Variants in TBX3 observed in about 807,000 individuals in gnomAD.
TBX3 encodes T-box transcription factor TBX3.
In TBX3, 11 loss-of-function variants were observed where a neutral mutation model predicts 47.8. The ratio of observed to expected loss-of-function variants is 0.23; its 90% CI spans 0.14 to 0.38. The LOEUF is 0.38. Ranked by LOEUF, TBX3 falls within the 10% of genes least tolerant of loss-of-function variation. TBX3 has a pLI of 1.00. For synonymous variants in TBX3, 500 were observed against 449.3 expected (o/e 1.11, Z -1.43); for missense variants, 927 against 1,022.8 (o/e 0.91, Z 1.28).
At chr12:114,678,700 C>T (rs1868810045) in intron 3 of TBX3, among the ~76,000 whole-genome samples, 1 of 152,164 alleles carries the variant, frequency 6.6e-6, no homozygotes, top group Non-Finnish European at 1.5e-5. Flanking sequence ...GGTCTTCAGT[C>T]CCTCCTCCCA....
Position 114,676,338 on chromosome 12 carries a change from G to A in TBX3, c.1014C>T (p.Ser338=), listed in dbSNP as rs1213358591. The change falls in exon 5 of 7, where the codon TCC becomes TCT. Residue 338 remains serine (S), a synonymous_variant. Coordinates refer to ENST00000349155, the MANE Select transcript of TBX3 (RefSeq NM_005996.4). ...CFAQASSPAA[S]TVGTSNLKDL... ...CTTTGAGGTTCGATGTCCCTACAGT[G>A]GAGGCGGCTGGAGAAGAAGCCTGGG... 6.2e-7 allele frequency: 1 copy of A among 1,613,982 alleles called. No individual in the cohort carries two copies. The highest frequency in any genetic ancestry group is 1.3e-5 in the African/African-American group (1 of 74,924).
In TBX3 at chr12:114,682,841, G is replaced by T; in HGVS notation, c.360C>A (p.Gly120=). ...CCGACTTGGTAATGACCATCTCGGTGCCCCGCTTGTGAAACTGATCCCAAA... is the reference window on the plus strand; with the variant it reads ...CCGACTTGGTAATGACCATCTCGGTTCCCCGCTTGTGAAACTGATCCCAAA... ...KELWDQFHKR[G]TEMVITKSGR... Residue 120 remains glycine, a synonymous_variant, in exon 1 of 7, where the codon GGC becomes GGA. Coordinates refer to ENST00000349155, the MANE Select transcript of TBX3 (RefSeq NM_005996.4). 6.2e-7 allele frequency: 1 copy of T among 1,614,206 alleles called. No individual in the cohort carries two copies. The highest frequency in any genetic ancestry group is 8.5e-7 in the Non-Finnish European group (1 of 1,180,038).
rs1301548236 is a variant in TBX3 at position 114,674,289 on chromosome 12, G to A, written c.1586C>T (p.Ala529Val). The A allele has an allele frequency of 1.3e-6, 2 of 1,580,914 alleles. No homozygotes were observed. Among genetic ancestry groups the A allele is most frequent in the Non-Finnish European group, 1.7e-6 (2 of 1,163,760 alleles). ...ATCCAGGCCCGAGACACCGGTGGAG[G>A]CCCCAGAAACCGTGGCCAGGAGGGG... is the stretch of plus-strand genomic sequence containing the variant. ...MGPLLATVSGASTGVSGLDST... is the reference protein window; with the variant it reads ...MGPLLATVSGVSTGVSGLDST... Residue 529 changes from alanine to valine, a missense_variant, in exon 6 of 7, where the codon GCC becomes GTC. Transcript: ENST00000349155.
Position 114,674,467 on chromosome 12 carries a change from C to T in TBX3, c.1408G>A (p.Ala470Thr), listed in dbSNP as rs544562535. Residue 470 changes from alanine to threonine, a missense_variant, in exon 6 of 7, where the codon GCC (alanine) becomes ACC (threonine). Physicochemically the swap from Ala to Thr is moderately conservative, Grantham distance 58. This residue lies in a region of TBX3 where 623 missense variants were observed against 569.0 expected (regional missense o/e 1.09). Coordinates refer to ENST00000349155, the MANE Select transcript of TBX3 (RefSeq NM_005996.4). ...AGGGGGCCCTGGGCCAGGTGCGCGG[C>T]GGCCGCGTCCGTCTGCACCGTGAGC... ...APLTVQTDAAAAHLAQGPLPG... is the reference protein window; with the variant it reads ...APLTVQTDAATAHLAQGPLPG... The T allele has an allele frequency of 1.2e-5, 18 of 1,540,878 alleles. No individual in the cohort carries two copies. Among genetic ancestry groups the T allele is most frequent in the African/African-American group, 8.3e-5 (6 of 72,640 alleles).
At chr12:114,680,272 A>T in intron 2 of TBX3, 1 of 435,084 alleles carries the variant, frequency 2.3e-6, no homozygotes, top group East Asian at 4.4e-5. Context: ...TTTGCCTGAT[A>T]TCTACAAGCA....
Position 114,674,805 on chromosome 12 carries a change from G to GCGT in TBX3, c.1067_1069dup (p.Asp356dup). ...ATGCTCCTCTTTGCTCTCGGCCTCG[G>GCGT]CGTCGCTCTCACCCTCGCTGGGACA... On this transcript the variant is annotated inframe_insertion, in exon 6 of 7. Transcript: ENST00000349155. The GCGT allele has an allele frequency of 1.9e-6, 3 of 1,579,440 alleles. No homozygotes were observed. The highest frequency in any genetic ancestry group is 2.6e-6 in the Non-Finnish European group (3 of 1,168,600).
rs1869036753 is a variant in TBX3 at position 114,683,388 on chromosome 12, T to G, written c.-188A>C. 3 of 763,672 alleles carry G rather than the reference T, an allele frequency of 3.9e-6. No homozygotes were observed. The highest frequency in any genetic ancestry group is 4.0e-6 in the Non-Finnish European group (2 of 494,952). The allele number at this position is 763,672 out of a possible 1,614,324, so 47.3% of individuals were successfully genotyped here. On this transcript the variant is annotated 5_prime_UTR_variant, in exon 1 of 7. Coordinates refer to ENST00000349155, the MANE Select transcript of TBX3 (RefSeq NM_005996.4). This position sits in a 1 kb window ranked among gnomAD's most constrained non-coding sequence, Gnocchi z 7.7. ...TGCACTTCAAAGGGAGGAGGGGAAG[T>G]GTCTTTTGGAGAATGGGAGGCCGCT...
chr12:114,672,420 T>C, intron 6 of TBX3, 118 bp from the exon 7 acceptor site: 2 of 712,818 alleles, frequency 2.8e-6, no homozygotes, highest in South Asian at 5.2e-5. Context: ...GTATGTTCTG[T>C]TGTTGTTGTT....
At chr12:114,682,574 C>T (rs1238752842) in intron 1 of TBX3, among the ~76,000 whole-genome samples, 1 of 151,296 alleles carries the variant, frequency 6.6e-6, no homozygotes, top group African/African-American at 2.4e-5. Context: ...CTGAAAAATT[C>T]TGTCTGTTCG....
rs376913198 is a variant in TBX3 at position 114,677,552 on chromosome 12, T to A, written c.881+28A>T. On this transcript the variant is annotated intron_variant, in intron 4 of 6. Transcript: ENST00000349155. ...CCTAAAAAAAGGGATTTTTCTAAAC[T>A]ATCTAATAAATAATTGTTTCAACTC... 6 of 1,609,378 alleles carry A rather than the reference T, an allele frequency of 3.7e-6. No homozygotes were observed. The Admixed American group carries it at 5.0e-5, about 13-fold the overall frequency.
Position 114,672,158 on chromosome 12 carries a change from G to A in TBX3, c.1855C>T (p.Arg619Cys), listed in dbSNP as rs2121376946. The A allele has an allele frequency of 1.9e-6, 3 of 1,569,810 alleles. No homozygotes were observed. The highest frequency in any genetic ancestry group is 2.6e-6 in the Non-Finnish European group (3 of 1,158,218). Residue 619 changes from arginine (R) to cysteine (C), a missense_variant, in exon 7 of 7, where the codon CGC (arginine) becomes TGC (cysteine). Coordinates refer to ENST00000349155, the MANE Select transcript of TBX3 (RefSeq NM_005996.4). The stretch of plus-strand genomic sequence containing the variant: ...ACCGGGATGGAGTAGGGGCTGTAGC[G>A]CAGCCGCGGGCGCATGGTGTTCAGA... ...LNLNTMRPRLRYSPYSIPVPV... is the reference protein window; with the variant it reads ...LNLNTMRPRLCYSPYSIPVPV...
Position 114,683,678 on chromosome 12 carries a change from T to G in TBX3, c.-478A>C. Reference sequence around the variant, plus strand: ...AGACTTTTTACCTTTCTTTTTCTTCTTCCCCCGCCCCCTATCTGTCTTCCT... The same window carrying G: ...AGACTTTTTACCTTTCTTTTTCTTCGTCCCCCGCCCCCTATCTGTCTTCCT... On this transcript the variant is annotated 5_prime_UTR_variant, in exon 1 of 7. Transcript: ENST00000349155. The surrounding 1 kb of genome is among the most constrained non-coding windows in gnomAD (Gnocchi z 7.7). 8.7e-6 allele frequency: 2 copies of G among 228,656 alleles called. No individual in the cohort carries two copies. The highest frequency in any genetic ancestry group is 2.2e-5 in the African/African-American group (1 of 45,032). The allele number at this position is 228,656 out of a possible 1,614,324, so 14.2% of individuals were successfully genotyped here.
chr12:114,677,475 C>A, intron 4 of TBX3, 105 bp downstream of exon 4: 1 of 1,103,990 alleles, frequency 9.1e-7, no homozygotes, highest in Non-Finnish European at 1.4e-6. Flanking sequence ...TGATTTCCAC[C>A]CGCTCTTAGG....
chr12:114,681,639 A>G (rs1868931439), intron 1 of TBX3, among the ~76,000 whole-genome samples: 1 of 152,236 alleles, frequency 6.6e-6, no homozygotes, highest in Admixed American at 6.5e-5. Flanking sequence ...TCCCTGCTGC[A>G]GAATAGCAAT....
Position 114,682,969 on chromosome 12 carries a change from A to C in TBX3, c.232T>G (p.Phe78Val). 6.2e-7 allele frequency: 1 copy of C among 1,614,088 alleles called. No individual in the cohort carries two copies. Among genetic ancestry groups the C allele is most frequent in the Non-Finnish European group, 8.5e-7 (1 of 1,180,018 alleles). The change falls in exon 1 of 7, where the codon TTC becomes GTC. Residue 78 changes from phenylalanine (F) to valine (V), a missense_variant. Coordinates refer to ENST00000349155, the MANE Select transcript of TBX3 (RefSeq NM_005996.4). ...LVGAAETGIP[F>V]SSLGPQAHLR... The stretch of plus-strand genomic sequence containing the variant: ...TGCGCCTGGGGCCCCAGGGAGGAGA[A>C]CGGGATGCCGGTCTCGGCCGCCCCC...
chr12:114,672,032 G>A lies in TBX3; in HGVS notation c.1981C>T (p.Pro661Ser). 1 of 1,587,648 alleles carries A rather than the reference G, an allele frequency of 6.3e-7. No individual in the cohort carries two copies. Among genetic ancestry groups the A allele is most frequent in the Non-Finnish European group, 8.6e-7 (1 of 1,167,300 alleles). ...DGKVAALAASPASVAVDSGSE... is the reference protein window; with the variant it reads ...DGKVAALAASSASVAVDSGSE... ...CCCGAGTCCACTGCCACCGAGGCCG[G>A]GCTGGCGGCCAGGGCGGCGACTTTG... The change falls in exon 7 of 7, where the codon CCG becomes TCG. Residue 661 changes from proline (P) to serine (S), a missense_variant. Physicochemically the swap from Pro to Ser is moderately conservative, Grantham distance 74. This residue lies in a region of TBX3 where 623 missense variants were observed against 569.0 expected (regional missense o/e 1.09). Transcript: ENST00000349155.
rs375704320 is a variant in TBX3 at position 114,671,768 on chromosome 12, G to A, written c.*73C>T. On this transcript the variant is annotated 3_prime_UTR_variant, in exon 7 of 7. Coordinates refer to ENST00000349155, the MANE Select transcript of TBX3 (RefSeq NM_005996.4). Reference sequence around the variant, plus strand: ...GGGCTAACGCCATGGCGGGCCCGTGGTTTATTTTATATCCGACAAAGTGCA... The same window carrying A: ...GGGCTAACGCCATGGCGGGCCCGTGATTTATTTTATATCCGACAAAGTGCA... 1 of 1,534,674 alleles carries A rather than the reference G, an allele frequency of 6.5e-7. No homozygotes were observed. Among genetic ancestry groups the A allele is most frequent in the Non-Finnish European group, 8.8e-7 (1 of 1,134,802 alleles).
rs753730951 is a variant in TBX3 at position 114,683,132 on chromosome 12, G to T, written c.69C>A (p.His23Gln). ...TSMAYHPFLP[H>Q]RAPDFAMSAV... ...CGCTCATGGCGAAGTCCGGCGCCCG[G>T]TGAGGTAGGAACGGATGGTAGGCCA... is the stretch of plus-strand genomic sequence containing the variant. Residue 23 changes from histidine to glutamine, a missense_variant, in exon 1 of 7, where the codon CAC (histidine) becomes CAA (glutamine). Physicochemically the swap from His to Gln is conservative, Grantham distance 24 (BLOSUM62 0). Transcript: ENST00000349155. The surrounding 1 kb of genome is among the most constrained non-coding windows in gnomAD (Gnocchi z 7.7). 10 of 1,612,612 alleles carry T rather than the reference G, an allele frequency of 6.2e-6. No individual in the cohort carries two copies. Among genetic ancestry groups the T allele is most frequent in the African/African-American group, 1.3e-5 (1 of 74,894 alleles).
rs1355881374 is a variant in TBX3, at chr12:114,670,423, T to C, written c.*1418A>G. ...CTTTTGAACTGTGAATATATCTCTA[T>C]AGGCAGGCACCAATTCAAAACACCG... On this transcript the variant is annotated 3_prime_UTR_variant, in exon 7 of 7. Coordinates refer to ENST00000349155, the MANE Select transcript of TBX3 (RefSeq NM_005996.4). 4.6e-6 allele frequency: 1 copy of C among 218,182 alleles called. No individual in the cohort carries two copies. Among genetic ancestry groups the C allele is most frequent in the African/African-American group, 2.2e-5 (1 of 44,554 alleles). The allele number at this position is 218,182 out of a possible 1,614,324, so 13.5% of individuals were successfully genotyped here.
Sources: allele counts gnomAD v4.1 joint callset (sites outside exome capture counted in the v4.1 genomes callset), GRCh38; gene constraint gnomAD v4.1.1; regional missense constraint gnomAD v4.1.1; non-coding constraint Gnocchi (gnomAD v3.1); transcripts MANE v1.5; gene names NCBI Gene and HGNC (gene_info 2026-07-23, HGNC 2026-07-21).